ZNF827: variants seen among roughly 807,000 people sequenced by gnomAD.
ZNF827 encodes the protein zinc finger protein 827.
A neutral mutation model predicts 102.4 loss-of-function variants in ZNF827; 13 were observed. The ratio of observed to expected loss-of-function variants is 0.13; its 90% CI spans 0.08 to 0.20. The LOEUF is 0.20. ZNF827 is among the 10% of genes least tolerant of loss of function. The probability of loss-of-function intolerance (pLI) is 1.00; values close to 1 mark genes in which losing one functional copy is unlikely to be tolerated. For synonymous variants in ZNF827, 523 were observed against 536.2 expected, an observed-to-expected ratio of 0.98 and a Z score of 0.34; for missense variants, 1,103 against 1,344.4, an observed-to-expected ratio of 0.82 and a Z score of 2.81.
intron 7 of ZNF827, chr4:145,831,790 G>A (rs559865426): frequency 7.9e-5 from 12 of 152,300 alleles, no homozygotes; most frequent in South Asian, 4.1e-4. Context: ...GAAAAAGGAC[G>A]GGTAAACCAA....
rs760111035 is a variant in ZNF827 at position 145,761,156 on chromosome 4, G to T, written c.*460C>A. Reference sequence around the variant, plus strand: ...GGGCCGGCCGGTTCCTTGGGGGCTGGACACAGGCCCTTCTTGTCCTCCTCG... The same window carrying T: ...GGGCCGGCCGGTTCCTTGGGGGCTGTACACAGGCCCTTCTTGTCCTCCTCG... On this transcript the variant is annotated 3_prime_UTR_variant, in exon 15 of 15. Transcript: ENST00000508784. This position sits in a 1 kb window ranked among gnomAD's most constrained non-coding sequence, Gnocchi z 6.8. 51 of 1,289,862 alleles carry T rather than the reference G, an allele frequency of 4.0e-5. No individual in the cohort carries two copies. In the African/African-American group the frequency reaches 6.5e-4, roughly 16 times the overall value. 79.9% of individuals were successfully genotyped at this position (1,289,862 alleles called of 1,614,324 possible).
rs1439394187 is a variant in ZNF827 at position 145,807,093 on chromosome 4, T to TAAACTTTATTAATAACTTAC, written c.2383+16328_2383+16329insGTAAGTTATTAATAAAGTTT. On this transcript the variant is annotated intron_variant, in intron 8 of 14. Transcript: ENST00000508784. ...ATCTTTATTAATAACTTACAGGATG[T>TAAACTTTATTAATAACTTAC]GTAACTTTAACGTTTCTGAAATGAC... Among the ~76,000 whole-genome samples the TAAACTTTATTAATAACTTAC allele has an allele frequency of 3.2e-4, 49 of 152,332 alleles. 2 individuals carry two copies. In the South Asian group the frequency reaches 0.01, roughly 32 times the overall value.
intron 1 of ZNF827, among the ~76,000 whole-genome samples, chr4:145,912,104 T>A (rs1752338281): frequency 1.3e-5 from 2 of 152,230 alleles, no homozygotes; most frequent in Non-Finnish European, 2.9e-5. Flanking sequence ...GACAAAAGAA[T>A]AATTTTTCAG....
At chr4:145,804,855 T>C (rs1567221) in intron 8 of ZNF827, among the ~76,000 whole-genome samples, 146,158 of 152,346 alleles carry the variant, frequency 0.96, 70,173 homozygotes, top group African/African-American at 0.99. Context: ...GTCAGTATTA[T>C]ATTTATATAA....
chr4:145,937,167 G>T (rs1239882597), intron 1 of ZNF827, among the ~76,000 whole-genome samples: 1 of 152,120 alleles, frequency 6.6e-6, no homozygotes, highest in African/African-American at 2.4e-5. Flanking sequence ...AGAGGGAGTG[G>T]GGGAAAAGTT....
chr4:145,936,072 A>G (rs914329023), intron 1 of ZNF827, among the ~76,000 whole-genome samples: 1 of 152,042 alleles, frequency 6.6e-6, no homozygotes, highest in Non-Finnish European at 1.5e-5. Context: ...CAGCTCCCAA[A>G]GTTGCCATCT....
In ZNF827 at chr4:145,763,184, A is replaced by G; in HGVS notation, c.3231-62T>C. On this transcript the variant is annotated intron_variant, in intron 13 of 14. Coordinates refer to ENST00000508784, the MANE Select transcript of ZNF827 (RefSeq NM_001306215.2). The surrounding 1 kb of genome is among the most constrained non-coding windows in gnomAD (Gnocchi z 4.6). ...GATCTGCATTATGAACAGGATATAG[A>G]GTACAAGCAGTTCCATCACAGAAAA... is the stretch of plus-strand genomic sequence containing the variant. 1 of 1,489,130 alleles carries G rather than the reference A, an allele frequency of 6.7e-7. No homozygotes were observed. The highest frequency in any genetic ancestry group is 1.4e-5 in the African/African-American group (1 of 71,752). 92.2% of individuals were successfully genotyped at this position (1,489,130 alleles called of 1,614,324 possible).
At chr4:145,880,994 C>T (rs1260309214) in intron 4 of ZNF827, among the ~76,000 whole-genome samples, 2 of 152,220 alleles carry the variant, frequency 1.3e-5, no homozygotes, top group African/African-American at 4.8e-5. Context: ...GTTCAATGGG[C>T]ATCTCCCATC....
chr4:145,803,659 A>G (rs147065449), intron 8 of ZNF827, among the ~76,000 whole-genome samples: 43 of 152,280 alleles, frequency 2.8e-4, no homozygotes, highest in Non-Finnish European at 8.8e-5. Flanking sequence ...AGTTTTTCCA[A>G]TTGATCAAAG....
At chr4:145,855,804 C>G (rs967286681) in intron 5 of ZNF827, among the ~76,000 whole-genome samples, 2 of 152,184 alleles carry the variant, frequency 1.3e-5, no homozygotes, top group Admixed American at 6.5e-5. Flanking sequence ...GGCCCTGAAG[C>G]CATCCCCTCA....
rs547887329 is a variant in ZNF827, at chr4:145,906,717, T to A, written c.44-3502A>T. Among the ~76,000 whole-genome samples, 13 of 152,320 alleles carry A rather than the reference T, an allele frequency of 8.5e-5. No individual in the cohort carries two copies. The East Asian group carries it at 2.5e-3, about 29-fold the overall frequency. On this transcript the variant is annotated intron_variant, in intron 1 of 14. Transcript: ENST00000508784. ...CATTTAAAGCAACTTTCCTAACTTG[T>A]CAAAACACAAACTCAAAATAAACAA...
rs1189030888 is a variant in ZNF827 at position 145,774,736 on chromosome 4, G to C, written c.2694-64C>G. ...GGGTGACACATACTTCTAAATGTAG[G>C]CTGTCCATTTATACACAGTACACTC... On this transcript the variant is annotated intron_variant, in intron 10 of 14. Coordinates refer to ENST00000508784, the MANE Select transcript of ZNF827 (RefSeq NM_001306215.2). 6.5e-6 allele frequency: 10 copies of C among 1,538,312 alleles called. No homozygotes were observed. The East Asian group carries it at 2.3e-4, about 35-fold the overall frequency.
intron 1 of ZNF827, among the ~76,000 whole-genome samples, chr4:145,930,686 T>G (rs1753734659): frequency 6.6e-6 from 1 of 152,228 alleles, no homozygotes; most frequent in African/African-American, 2.4e-5. Context: ...CAATATCCTT[T>G]TTAGGCACAC....
At chr4:145,935,952 C>T (rs1434747552) in intron 1 of ZNF827, among the ~76,000 whole-genome samples, 1 of 152,140 alleles carries the variant, frequency 6.6e-6, no homozygotes, top group Admixed American at 6.5e-5. Context: ...TCTCCTCTCC[C>T]ACCCTCCCTC....
At chr4:145,891,871 A>T (rs1026985536) in intron 3 of ZNF827, among the ~76,000 whole-genome samples, 1 of 152,212 alleles carries the variant, frequency 6.6e-6, no homozygotes, top group Non-Finnish European at 1.5e-5. Flanking sequence ...TTTGGTGCTC[A>T]GTCCAGCAGC....
chr4:145,889,689 G>A (rs1237372921), intron 3 of ZNF827, among the ~76,000 whole-genome samples: 1 of 151,802 alleles, frequency 6.6e-6, no homozygotes, highest in African/African-American at 2.4e-5. Context: ...AAGAAAATCT[G>A]TCCACGGCCG....
chr4:145,786,363 A>G (rs1194136041), intron 8 of ZNF827, among the ~76,000 whole-genome samples: 1 of 152,208 alleles, frequency 6.6e-6, no homozygotes, highest in African/African-American at 2.4e-5. Context: ...TTATTTGGCG[A>G]CAGCTGTAAG....
intron 1 of ZNF827, among the ~76,000 whole-genome samples, chr4:145,932,106 A>G (rs1386755487): frequency 6.6e-6 from 1 of 152,232 alleles, no homozygotes; most frequent in East Asian, 1.9e-4. Context: ...TGAAGCAGAG[A>G]TTGAGCCCTC....
intron 1 of ZNF827, among the ~76,000 whole-genome samples, chr4:145,934,607 G>A (rs1754028299): frequency 6.6e-6 from 1 of 152,174 alleles, no homozygotes; most frequent in South Asian, 2.1e-4. Context: ...CTTGGTATCA[G>A]ATAATACCAA....
Sources: gnomAD v4.1 joint callset for allele counts (sites outside exome capture counted in the v4.1 genomes callset) on GRCh38, gnomAD v4.1.1 for gene constraint, Gnocchi (gnomAD v3.1) non-coding constraint, MANE v1.5 for transcripts, NCBI Gene and HGNC (gene_info 2026-07-23, HGNC 2026-07-21) for gene names.